PTPRC: variants seen among roughly 807,000 people sequenced by gnomAD.
PTPRC encodes the protein receptor-type tyrosine-protein phosphatase C.
PTPRC carries 44 observed loss-of-function variants against 155.9 expected under a neutral mutation model. The observed-to-expected ratio is 0.28, with a 90% CI of 0.22 to 0.36. The LOEUF (loss-of-function observed/expected upper bound fraction) is 0.36. PTPRC is among the 10% of genes least tolerant of loss of function. The probability of loss-of-function intolerance (pLI) is 1.00; values close to 1 mark genes in which losing one functional copy is unlikely to be tolerated. For missense variants in PTPRC, 1,401 were observed against 1,564.6 expected, an observed-to-expected ratio of 0.90 and a Z score of 1.76; for synonymous variants, 525 against 533.1, an observed-to-expected ratio of 0.98 and a Z score of 0.21.
chr1:198,751,405 T>C (rs1263392277), intron 29 of PTPRC, among the ~76,000 whole-genome samples: 1 of 152,028 alleles, frequency 6.6e-6, no homozygotes, highest in African/African-American at 2.4e-5. Flanking sequence ...TTCAAGCCTA[T>C]TCAGTGAATA....
intron 23 of PTPRC, among the ~76,000 whole-genome samples, chr1:198,739,519 A>C (rs1654802751): frequency 6.6e-6 from 1 of 151,870 alleles, no homozygotes; most frequent in Non-Finnish European, 1.5e-5. Context: ...TCAATTCAGC[A>C]AGAGGATATA....
Position 198,639,239 on chromosome 1 carries a change from G to C in PTPRC, c.-30G>C, listed in dbSNP as rs746884648. On this transcript the variant is annotated 5_prime_UTR_variant, in exon 2 of 33. Coordinates refer to ENST00000442510, the MANE Select transcript of PTPRC (RefSeq NM_002838.5). ...TTTGCTTTTCAGAAGGACGCATGCT[G>C]TTTCTTAGGGACACGGCTGACTTCC... 6.2e-7 allele frequency: 1 copy of C among 1,606,974 alleles called. No individual in the cohort carries two copies. Among genetic ancestry groups the C allele is most frequent in the East Asian group, 2.2e-5 (1 of 44,794 alleles).
At chr1:198,691,794 T>C (rs938077828) in intron 2 of PTPRC, among the ~76,000 whole-genome samples, 2 of 152,068 alleles carry the variant, frequency 1.3e-5, no homozygotes, top group African/African-American at 4.8e-5. Flanking sequence ...AACCACCAAC[T>C]CTGGAAATAT....
At chr1:198,685,818 T>C (rs978513546) in intron 2 of PTPRC, among the ~76,000 whole-genome samples, 10 of 152,222 alleles carry the variant, frequency 6.6e-5, no homozygotes, top group Middle Eastern at 6.8e-3. Flanking sequence ...CATGCTATCA[T>C]TCATTTTAGG....
intron 31 of PTPRC, among the ~76,000 whole-genome samples, chr1:198,753,765 G>GAAT (rs2102551749): frequency 6.6e-6 from 1 of 152,098 alleles, no homozygotes; most frequent in African/African-American, 2.4e-5. Context: ...TCTTTTTAGT[G>GAAT]AATAATTCTA....
At chr1:198,651,450 G>A (rs1663247430) in intron 2 of PTPRC, among the ~76,000 whole-genome samples, 1 of 151,680 alleles carries the variant, frequency 6.6e-6, no homozygotes, top group Non-Finnish European at 1.5e-5. Context: ...AAATTAAACT[G>A]CACATAAATA....
intron 5 of PTPRC, among the ~76,000 whole-genome samples, 166 bp from the exon 6 acceptor site, chr1:198,702,221 T>A (rs1201733483): frequency 1.3e-5 from 2 of 152,246 alleles, no homozygotes; most frequent in South Asian, 4.1e-4. Flanking sequence ...TAAGCCCTGG[T>A]ATTTTTGGTA....
At chr1:198,704,951 A>G (rs1652855526) in intron 8 of PTPRC, among the ~76,000 whole-genome samples, 2 of 152,140 alleles carry the variant, frequency 1.3e-5, no homozygotes, top group Non-Finnish European at 2.9e-5. Flanking sequence ...AATAACAGCA[A>G]GTTTGTTGGT....
intron 15 of PTPRC, among the ~76,000 whole-genome samples, chr1:198,727,238 T>A (rs1654180926): frequency 6.6e-6 from 1 of 152,160 alleles, no homozygotes; most frequent in Non-Finnish European, 1.5e-5. Flanking sequence ...CTCTGCCTTA[T>A]ATTCTATAGC....
chr1:198,749,069 G>GC (rs1462161467), intron 27 of PTPRC, among the ~76,000 whole-genome samples: 1 of 151,394 alleles, frequency 6.6e-6, no homozygotes, highest in Non-Finnish European at 1.5e-5. Context: ...AAAAATCTAC[G>GC]CTATGTATTT....
At chr1:198,667,581 A>G (rs1054517213) in intron 2 of PTPRC, among the ~76,000 whole-genome samples, 8 of 152,248 alleles carry the variant, frequency 5.3e-5, no homozygotes, top group African/African-American at 1.7e-4. Flanking sequence ...GCACTCATCC[A>G]TTCATTCAGT....
At chr1:198,699,931 G>T in intron 5 of PTPRC, 1 of 621,138 alleles carries the variant, frequency 1.6e-6, no homozygotes, top group Non-Finnish European at 2.8e-6. Context: ...AATCTGCTCA[G>T]GAGGAAAGAG....
At chr1:198,721,044 T>C (rs2102453672) in intron 14 of PTPRC, among the ~76,000 whole-genome samples, 1 of 152,250 alleles carries the variant, frequency 6.6e-6, no homozygotes, top group East Asian at 1.9e-4. Context: ...GTGTACATCA[T>C]ATTAAAATAC....
intron 2 of PTPRC, among the ~76,000 whole-genome samples, chr1:198,673,588 T>G (rs542992347): frequency 3.3e-5 from 5 of 152,312 alleles, no homozygotes; most frequent in African/African-American, 1.2e-4. Context: ...AAGTGTTTAT[T>G]TTCAATACAT....
At chr1:198,741,103 A>G (rs1044856970) in intron 23 of PTPRC, among the ~76,000 whole-genome samples, 3 of 151,834 alleles carry the variant, frequency 2.0e-5, no homozygotes, top group Middle Eastern at 3.2e-3. Context: ...ATATGAGGAT[A>G]TATTTCTAGA....
In PTPRC at chr1:198,751,994, G is replaced by A. The variant is rs150642892; in HGVS notation, c.3208-255G>A. Among the ~76,000 whole-genome samples, 20 of 152,150 alleles carry A rather than the reference G, an allele frequency of 1.3e-4. No homozygotes were observed. In the South Asian group the frequency reaches 3.9e-3, roughly 30 times the overall value. On this transcript the variant is annotated intron_variant, in intron 29 of 32. Transcript: ENST00000442510. ...CTACACTAAGGAAAACAGCTGTTCC[G>A]GGGGTGTCCCAGTCACCTCGATTGT...
intron 4 of PTPRC, among the ~76,000 whole-genome samples, chr1:198,697,309 T>C (rs1666252983): frequency 1.3e-5 from 2 of 152,246 alleles, no homozygotes; most frequent in African/African-American, 4.8e-5. Context: ...CCCATTTCTT[T>C]GTTTCACTCT....
At chr1:198,753,969 A>C (rs538271661) in intron 31 of PTPRC, among the ~76,000 whole-genome samples, 4 of 152,082 alleles carry the variant, frequency 2.6e-5, no homozygotes, top group Admixed American at 2.6e-4. Context: ...TATTGGTTTC[A>C]ACAACTTCAG....
At chr1:198,708,659 GT>G (rs1448310883) in intron 10 of PTPRC, among the ~76,000 whole-genome samples, 1 of 152,154 alleles carries the variant, frequency 6.6e-6, no homozygotes, top group African/African-American at 2.4e-5. Flanking sequence ...GGATTGTATG[GT>G]TCAAGAGTTT....
Sources: allele counts gnomAD v4.1 joint callset (sites outside exome capture counted in the v4.1 genomes callset), GRCh38; gene constraint gnomAD v4.1.1; transcripts MANE v1.5; gene names NCBI Gene and HGNC (gene_info 2026-07-23, HGNC 2026-07-21).